PACC1: variants seen among roughly 807,000 people sequenced by gnomAD.
The protein encoded by PACC1 is proton activated chloride channel 1.
Under a neutral mutation model 39.7 loss-of-function variants are expected in PACC1, and 34 were observed. The observed-to-expected ratio is 0.86, with a 90% CI of 0.65 to 1.14. The LOEUF (loss-of-function observed/expected upper bound fraction) is 1.14. Among genes scored for constraint, PACC1 ranks in the 50% most tolerant of loss-of-function variants. The probability of loss-of-function intolerance (pLI) is 0.00; values close to 1 mark genes in which losing one functional copy is unlikely to be tolerated. For missense variants in PACC1, 379 were observed against 436.4 expected, an observed-to-expected ratio of 0.87 and a Z score of 1.17; for synonymous variants, 127 against 160.6, an observed-to-expected ratio of 0.79 and a Z score of 1.58.
chr1:212,365,342 A>C lies in PACC1; in HGVS notation c.926T>G (p.Leu309Arg). The C allele has an allele frequency of 6.2e-7, 1 of 1,613,062 alleles. No individual in the cohort carries two copies. The highest frequency in any genetic ancestry group is 8.5e-7 in the Non-Finnish European group (1 of 1,179,626). The change falls in exon 8 of 8, where the codon CTT becomes CGT. Residue 309 changes from leucine (L) to arginine (R), a missense_variant. Transcript: ENST00000261455. ...VTANPWNTIA[L>R]LCGAFLALFK... is the part of the protein sequence containing the mutation. ...TAATGCCAAGAAGGCGCCACAGAGA[A>C]GAGCAATTGTGTTCCAAGGATTGGC... is the stretch of plus-strand genomic sequence containing the variant.
intron 2 of PACC1, among the ~76,000 whole-genome samples, chr1:212,399,992 G>C (rs1661658685): frequency 6.6e-6 from 1 of 152,028 alleles, no homozygotes; most frequent in Non-Finnish European, 1.5e-5. Context: ...TTACAGGTGT[G>C]CGCCACCACA....
intron 2 of PACC1, among the ~76,000 whole-genome samples, chr1:212,409,916 G>A (rs1313286988): frequency 6.6e-6 from 1 of 152,230 alleles, no homozygotes; most frequent in Non-Finnish European, 1.5e-5. Context: ...GGAGTGGCCT[G>A]AGAAATGCTG....
chr1:212,404,075 C>G (rs1661815366), intron 2 of PACC1, among the ~76,000 whole-genome samples: 1 of 151,970 alleles, frequency 6.6e-6, no homozygotes, highest in South Asian at 2.1e-4. Flanking sequence ...CACTTTACTC[C>G]TCTTACTGTC....
chr1:212,406,551 T>G (rs958693967), intron 2 of PACC1, among the ~76,000 whole-genome samples: 16 of 151,410 alleles, frequency 1.1e-4, no homozygotes, highest in African/African-American at 3.2e-4. Context: ...AAATGAGCTC[T>G]GAGAGTTGTG....
intron 2 of PACC1, among the ~76,000 whole-genome samples, chr1:212,395,476 T>C (rs1661480439): frequency 6.6e-6 from 1 of 152,070 alleles, no homozygotes; most frequent in Non-Finnish European, 1.5e-5. Flanking sequence ...CCTAAAACCA[T>C]AAAAACCCTA....
chr1:212,410,624 C>G, intron 1 of PACC1, 103 bp from the exon 2 acceptor site: 1 of 1,012,226 alleles, frequency 9.9e-7, no homozygotes, highest in South Asian at 1.3e-5. Context: ...TAATTGTCAC[C>G]AAAAACCACA....
chr1:212,399,384 T>C (rs989389083), intron 2 of PACC1, among the ~76,000 whole-genome samples: 4 of 152,226 alleles, frequency 2.6e-5, no homozygotes, highest in Admixed American at 6.5e-5. Flanking sequence ...ACTGTGAGCA[T>C]TTTTACAATT....
intron 2 of PACC1, among the ~76,000 whole-genome samples, chr1:212,391,165 G>A (rs1356144756): frequency 2.0e-5 from 3 of 152,234 alleles, no homozygotes; most frequent in African/African-American, 7.2e-5. Context: ...CCTGAACCCT[G>A]AGTAGCCTAT....
At chr1:212,398,155 G>A (rs1052544253) in intron 2 of PACC1, among the ~76,000 whole-genome samples, 48 of 152,128 alleles carry the variant, frequency 3.2e-4, no homozygotes, top group African/African-American at 1.1e-3. Context: ...AAAATGAAGT[G>A]CTCATTTATG....
In PACC1 at chr1:212,414,831, G is replaced by C; in HGVS notation, c.-74C>G. On this transcript the variant is annotated 5_prime_UTR_variant, in exon 1 of 8. Transcript: ENST00000261455. ...GCACGGACGCAGCACTGCGGCCGCT[G>C]CACCTGGACCTACCGGCTCCGCGAG... 2 of 1,580,148 alleles carry C rather than the reference G, an allele frequency of 1.3e-6. No homozygotes were observed. Among genetic ancestry groups the C allele is most frequent in the Non-Finnish European group, 1.7e-6 (2 of 1,153,346 alleles).
chr1:212,381,677 GAC>G (rs1170030743), intron 4 of PACC1, among the ~76,000 whole-genome samples: 17 of 86,888 alleles, frequency 2.0e-4, no homozygotes, highest in South Asian at 4.8e-4. Context: ...CATGTGCACA[GAC>G]ACACACACAC....
At chr1:212,412,517 C>T (rs1008398776) in intron 1 of PACC1, among the ~76,000 whole-genome samples, 3 of 152,142 alleles carry the variant, frequency 2.0e-5, no homozygotes, top group Admixed American at 1.3e-4. Flanking sequence ...GGAAGAAAGA[C>T]GCCGGCCATT....
At chr1:212,411,833 A>G (rs1300051902) in intron 1 of PACC1, among the ~76,000 whole-genome samples, 1 of 152,166 alleles carries the variant, frequency 6.6e-6, no homozygotes, top group Non-Finnish European at 1.5e-5. Context: ...AAGCCCTCGA[A>G]GCACAAAAGA....
intron 2 of PACC1, among the ~76,000 whole-genome samples, chr1:212,407,952 T>C (rs1411977445): frequency 5.3e-5 from 8 of 151,828 alleles, no homozygotes; most frequent in African/African-American, 1.9e-4. Context: ...CACACGCCTA[T>C]AGTCCCAGCT....
intron 2 of PACC1, among the ~76,000 whole-genome samples, chr1:212,408,648 C>T (rs1662013896): frequency 6.6e-6 from 1 of 152,232 alleles, no homozygotes; most frequent in South Asian, 2.1e-4. Flanking sequence ...AGGCATGAGC[C>T]ACCGTGCCCG....
intron 7 of PACC1, among the ~76,000 whole-genome samples, chr1:212,369,783 A>G (rs1487281077): frequency 7.9e-5 from 8 of 101,370 alleles, no homozygotes; most frequent in African/African-American, 1.1e-4. Context: ...TCCATCTCAG[A>G]AAAAAAAAAA....
intron 7 of PACC1, among the ~76,000 whole-genome samples, chr1:212,368,159 T>G (rs958057823): frequency 6.6e-6 from 1 of 152,194 alleles, no homozygotes; most frequent in Non-Finnish European, 1.5e-5. Context: ...ACAGTGTAAC[T>G]TGGCTTAGAC....
At chr1:212,375,929 TG>T (rs1660649231) in intron 6 of PACC1, among the ~76,000 whole-genome samples, 1 of 152,126 alleles carries the variant, frequency 6.6e-6, no homozygotes, top group South Asian at 2.1e-4. Context: ...CAAACTACCA[TG>T]TAAGACTCAC....
intron 2 of PACC1, among the ~76,000 whole-genome samples, chr1:212,393,084 A>C (rs903179707): frequency 6.6e-6 from 1 of 152,212 alleles, no homozygotes; most frequent in African/African-American, 2.4e-5. Flanking sequence ...CACCAAGCAG[A>C]TCTAACAGAC....
Sources: allele counts gnomAD v4.1 joint callset (sites outside exome capture counted in the v4.1 genomes callset), GRCh38; gene constraint gnomAD v4.1.1; transcripts MANE v1.5; gene names NCBI Gene and HGNC (gene_info 2026-07-23, HGNC 2026-07-21).